The following COL4A3 variants were observed in gnomAD, a reference collection of about 807,000 sequenced individuals.
The protein encoded by COL4A3 is collagen alpha-3(IV) chain.
COL4A3 carries 135 observed loss-of-function variants against 217.4 expected under a neutral mutation model. That is an observed-to-expected ratio of 0.62 (90% confidence interval 0.54 to 0.72). The LOEUF is 0.72. COL4A3 is among the 30% of genes least tolerant of loss of function. The pLI is 0.00. For missense variants in COL4A3, 1,868 were observed against 2,119.9 expected (o/e 0.88, Z 2.33); for synonymous variants, 690 against 736.3 (o/e 0.94, Z 1.02).
intron 1 of COL4A3, among the ~76,000 whole-genome samples, chr2:227,181,053 C>T (rs534778045): frequency 5.3e-4 from 81 of 152,194 alleles, no homozygotes; most frequent in Middle Eastern, 6.8e-3. Context: ...TAAATACTGA[C>T]GCTAAAACTC....
At position 227,250,901 on chromosome 2, in the gene COL4A3, G is replaced by A. The variant is rs183010836; in HGVS notation, c.547-239G>A. On this transcript the variant is annotated intron_variant, in intron 9 of 51. Transcript: ENST00000396578. The surrounding 1 kb of genome is among the most constrained non-coding windows in gnomAD (Gnocchi z 4.1). Reference sequence around the variant, plus strand: ...AAAGAGAAAAGCAAAATTTTGAAACGTCTGAAGTAAAGCAACTACTTTGGT... The same window carrying A: ...AAAGAGAAAAGCAAAATTTTGAAACATCTGAAGTAAAGCAACTACTTTGGT... 3.3e-5 allele frequency among the ~76,000 whole-genome samples: 5 copies of A among 152,262 alleles called. No individual in the cohort carries two copies. Among genetic ancestry groups the A allele is most frequent in the African/African-American group, 4.8e-5 (2 of 41,544 alleles).
intron 37 of COL4A3, among the ~76,000 whole-genome samples, chr2:227,291,556 C>A (rs2072716234): frequency 9.5e-6 from 1 of 105,032 alleles, no homozygotes. Flanking sequence ...CAGCGAGACT[C>A]CGTCTCAAAA....
In COL4A3 at chr2:227,310,738, G is replaced by A. The variant is rs760204989; in HGVS notation, c.4756-38G>A. On this transcript the variant is annotated intron_variant, in intron 50 of 51. Transcript: ENST00000396578. ...GAGAATTGAAAATTTGAACCCCAAT[G>A]GACAGAGTGTTTATTCAGATTTTTA... 7 of 1,590,120 alleles carry A rather than the reference G, an allele frequency of 4.4e-6. No individual in the cohort carries two copies. The Admixed American group carries it at 8.3e-5, about 19-fold the overall frequency.
At chr2:227,207,341 A>G (rs2125775538) in intron 1 of COL4A3, among the ~76,000 whole-genome samples, 1 of 152,336 alleles carries the variant, frequency 6.6e-6, no homozygotes, top group Middle Eastern at 3.4e-3. Flanking sequence ...TAACATAAAA[A>G]TAAATATATC....
At chr2:227,268,964 C>A (rs527636020) in intron 23 of COL4A3, among the ~76,000 whole-genome samples, 1 of 152,098 alleles carries the variant, frequency 6.6e-6, no homozygotes, top group South Asian at 2.1e-4. Context: ...TACATTTGGC[C>A]TATCCAGGTG....
chr2:227,294,163 G>T, intron 38 of COL4A3: 2 of 327,468 alleles, frequency 6.1e-6, no homozygotes, highest in Non-Finnish European at 1.2e-5. Flanking sequence ...GCAGATTCAG[G>T]TCTTACTTAA....
At chr2:227,224,869 CT>C (rs1347853174) in intron 1 of COL4A3, among the ~76,000 whole-genome samples, 2 of 151,798 alleles carry the variant, frequency 1.3e-5, no homozygotes, top group African/African-American at 4.8e-5. Flanking sequence ...AATGAATTTT[CT>C]TTTTTGTTAT....
chr2:227,204,007 A>C lies in COL4A3; in HGVS notation c.88-33961A>C, dbSNP rs185942011. 7.0e-3 allele frequency among the ~76,000 whole-genome samples: 1,073 copies of C among 152,200 alleles called. 14 individuals carry two copies. Among genetic ancestry groups the C allele is most frequent in the African/African-American group, 0.025 (1,025 of 41,536 alleles). Reference sequence around the variant, plus strand: ...ATTGACTAACATTCAGCCTAGATAGAACCTGAGGATGCAGAAGTGGAAAAA... The same window carrying C: ...ATTGACTAACATTCAGCCTAGATAGCACCTGAGGATGCAGAAGTGGAAAAA... On this transcript the variant is annotated intron_variant, in intron 1 of 51. Coordinates refer to ENST00000396578, the MANE Select transcript of COL4A3 (RefSeq NM_000091.5).
At chr2:227,202,572 G>T (rs1418469045) in intron 1 of COL4A3, among the ~76,000 whole-genome samples, 4 of 150,090 alleles carry the variant, frequency 2.7e-5, no homozygotes, top group Non-Finnish European at 5.9e-5. Context: ...GTGAAACCCC[G>T]TCTCTACAAA....
At chr2:227,256,184 A>T in intron 16 of COL4A3, 114 bp downstream of exon 16, 1 of 1,213,626 alleles carries the variant, frequency 8.2e-7, no homozygotes, top group Non-Finnish European at 1.2e-6. Flanking sequence ...TACAGCTTTT[A>T]AAAACTGCAT....
intron 1 of COL4A3, among the ~76,000 whole-genome samples, chr2:227,178,192 GGGT>G (rs2065748591): frequency 6.6e-6 from 1 of 152,024 alleles, no homozygotes; most frequent in African/African-American, 2.4e-5. Context: ...AGATCAGCCT[GGGT>G]AATACAATGT....
intron 43 of COL4A3, among the ~76,000 whole-genome samples, chr2:227,300,699 T>C (rs2073244392): frequency 6.6e-6 from 1 of 152,090 alleles, no homozygotes. Context: ...GTGAGGGTGA[T>C]AGACACAGAG....
At chr2:227,279,657 A>G in intron 28 of COL4A3, 136 bp from the exon 29 acceptor site, 1 of 588,212 alleles carries the variant, frequency 1.7e-6, no homozygotes, top group South Asian at 2.7e-5. Context: ...AAAAATTGCT[A>G]ATTTATCAGT....
chr2:227,244,429 A>G (rs2069199380), intron 4 of COL4A3, 65 bp downstream of exon 4: 2 of 1,456,604 alleles, frequency 1.4e-6, no homozygotes, highest in Admixed American at 3.4e-5. Flanking sequence ...AGAGTTATAC[A>G]AATGTCAGAA....
intron 44 of COL4A3, among the ~76,000 whole-genome samples, chr2:227,303,636 G>T (rs551157203): frequency 1.4e-4 from 22 of 152,256 alleles, no homozygotes; most frequent in Non-Finnish European, 2.4e-4. Context: ...CCTACTTCTG[G>T]AATATATTTC....
chr2:227,204,198 C>T (rs916155537), intron 1 of COL4A3, among the ~76,000 whole-genome samples: 5 of 152,134 alleles, frequency 3.3e-5, no homozygotes, highest in African/African-American at 1.2e-4. Context: ...CCTAGTCTTT[C>T]TGTGCCTCAA....
In COL4A3 at chr2:227,238,493, CTT is replaced by C. The variant is rs1344242991; in HGVS notation, c.144+470_144+471del. The stretch of plus-strand genomic sequence containing the variant: ...CAGCAGCACACTGGTTGAGGCAAAA[CTT>C]AGCAGAGGGAAGTAGCTCCATTGCA... On this transcript the variant is annotated intron_variant, in intron 2 of 51. Coordinates refer to ENST00000396578, the MANE Select transcript of COL4A3 (RefSeq NM_000091.5). Among the ~76,000 whole-genome samples, 7 of 152,244 alleles carry C rather than the reference CTT, an allele frequency of 4.6e-5. No individual in the cohort carries two copies. The East Asian group carries it at 1.4e-3, about 29-fold the overall frequency.
chr2:227,217,512 C>G (rs200268851), intron 1 of COL4A3, among the ~76,000 whole-genome samples: 3 of 152,072 alleles, frequency 2.0e-5, no homozygotes, highest in Admixed American at 6.6e-5. Flanking sequence ...CTGTTTGTAC[C>G]AATAGCCACA....
At chr2:227,235,771 C>CTTTTT (rs2068655858) in intron 1 of COL4A3, among the ~76,000 whole-genome samples, 1 of 75,208 alleles carries the variant, frequency 1.3e-5, no homozygotes, top group African/African-American at 5.8e-5. Context: ...TTATTTCATT[C>CTTTTT]CTTTTTTTTT....
Sources: allele counts gnomAD v4.1 joint callset (sites outside exome capture counted in the v4.1 genomes callset), GRCh38; gene constraint gnomAD v4.1.1; non-coding constraint Gnocchi (gnomAD v3.1); transcripts MANE v1.5; gene names NCBI Gene and HGNC (gene_info 2026-07-23, HGNC 2026-07-21).